Variants in CSMD3 observed in about 807,000 individuals in gnomAD.
CSMD3 encodes the protein CUB and sushi domain-containing protein 3.
CSMD3 carries 177 observed loss-of-function variants against 435.2 expected under a neutral mutation model. That is an observed-to-expected ratio of 0.41 (90% CI 0.36 to 0.46). The LOEUF is 0.46. Ranked by LOEUF, CSMD3 falls within the 20% of genes least tolerant of loss-of-function variation. The pLI, the probability that CSMD3 is intolerant of heterozygous loss-of-function variation, is 0.34. For missense variants in CSMD3, 4,265 were observed against 4,504.6 expected (o/e 0.95, Z 1.52); for synonymous variants, 1,656 against 1,520.5 (o/e 1.09, Z -2.07).
At chr8:112,549,690 T>C (rs761568183) in intron 27 of CSMD3, among the ~76,000 whole-genome samples, 9 of 152,074 alleles carry the variant, frequency 5.9e-5, no homozygotes, top group South Asian at 2.1e-4. Flanking sequence ...AGGTACCAGT[T>C]ATCTACTCAA....
At chr8:112,685,822 A>G (rs2075998357) in intron 14 of CSMD3, 90 bp from the exon 15 acceptor site, 1 of 824,938 alleles carries the variant, frequency 1.2e-6, no homozygotes, top group African/African-American at 1.7e-5. Context: ...ATGATAATCA[A>G]TTAGCAGTAT....
chr8:112,335,941 C>T (rs1305185515), intron 44 of CSMD3, among the ~76,000 whole-genome samples: 1 of 152,028 alleles, frequency 6.6e-6, no homozygotes, highest in African/African-American at 2.4e-5. Flanking sequence ...GAGCCAGGGC[C>T]TCACTCCGTT....
chr8:113,010,302 T>G (rs2086210059), intron 6 of CSMD3, among the ~76,000 whole-genome samples: 1 of 151,812 alleles, frequency 6.6e-6, no homozygotes, highest in African/African-American at 2.4e-5. Context: ...CTAGAAGCTT[T>G]CTTGAAAAGG....
chr8:113,131,025 A>G (rs1410642912), intron 4 of CSMD3, among the ~76,000 whole-genome samples: 1 of 152,198 alleles, frequency 6.6e-6, no homozygotes, highest in African/African-American at 2.4e-5. Flanking sequence ...AAAGTGTTCA[A>G]GAAGTAACAT....
intron 17 of CSMD3, among the ~76,000 whole-genome samples, chr8:112,657,061 CTTT>C (rs11387284): frequency 5.3e-5 from 7 of 131,628 alleles, no homozygotes; most frequent in Admixed American, 7.8e-5. Flanking sequence ...TTTCTTTTTA[CTTT>C]TTTTTTTTTT....
chr8:113,265,699 A>C (rs1366614311), intron 3 of CSMD3, among the ~76,000 whole-genome samples: 2 of 151,598 alleles, frequency 1.3e-5, no homozygotes, highest in Admixed American at 6.6e-5. Context: ...TTAAATAATA[A>C]ACTGATTTGT....
At chr8:112,572,635 A>T (rs1488329365) in intron 24 of CSMD3, among the ~76,000 whole-genome samples, 1 of 152,078 alleles carries the variant, frequency 6.6e-6, no homozygotes, top group African/African-American at 2.4e-5. Context: ...AGCAATAAAG[A>T]TTTCTGAGTA....
intron 4 of CSMD3, among the ~76,000 whole-genome samples, chr8:113,157,136 ATGGAAAATGG>A (rs2131817595): frequency 6.6e-6 from 1 of 152,252 alleles, no homozygotes; most frequent in South Asian, 2.1e-4. Flanking sequence ...TGCAGTCACT[ATGGAAAATGG>A]TGTGCTAGTT....
intron 2 of CSMD3, chr8:113,310,000 A>G (rs1232424432): frequency 6.6e-6 from 1 of 152,216 alleles, no homozygotes; most frequent in Non-Finnish European, 1.5e-5. Context: ...TAAGAAAAAT[A>G]AATTTTTTGT....
At chr8:112,998,565 A>G (rs894760516) in intron 6 of CSMD3, among the ~76,000 whole-genome samples, 1 of 151,772 alleles carries the variant, frequency 6.6e-6, no homozygotes, top group Non-Finnish European at 1.5e-5. Flanking sequence ...CTCTCCACAA[A>G]CCATTTTTAC....
chr8:113,153,101 A>AAAGAAAGAAAAGAAAG (rs35085690), intron 4 of CSMD3, among the ~76,000 whole-genome samples: 3 of 100,050 alleles, frequency 3.0e-5, no homozygotes, highest in Admixed American at 1.0e-4. Context: ...AGAAAGAAAG[A>AAAGAAAGAAAAGAAAG]AAAGAAAGAA....
intron 64 of CSMD3, among the ~76,000 whole-genome samples, chr8:112,245,625 C>T (rs949206912): frequency 9.9e-5 from 15 of 152,142 alleles, no homozygotes; most frequent in African/African-American, 3.6e-4. Context: ...GCAGCCTCCA[C>T]CTCCGGGGTT....
At chr8:112,645,943 A>C (rs1221769828) in intron 19 of CSMD3, among the ~76,000 whole-genome samples, 1 of 152,176 alleles carries the variant, frequency 6.6e-6, no homozygotes, top group East Asian at 1.9e-4. Context: ...TTTTTATTCT[A>C]GTGTGAGCAG....
At chr8:113,129,801 G>A (rs537022031) in intron 4 of CSMD3, among the ~76,000 whole-genome samples, 7 of 152,076 alleles carry the variant, frequency 4.6e-5, no homozygotes, top group African/African-American at 1.7e-4. Context: ...TGCTGAAGAG[G>A]TATCTCAGGT....
chr8:113,154,607 A>G (rs1588165275), intron 4 of CSMD3, among the ~76,000 whole-genome samples: 1 of 152,198 alleles, frequency 6.6e-6, no homozygotes, highest in African/African-American at 2.4e-5. Context: ...GGGCAGTAGA[A>G]GAATGAATAT....
chr8:112,610,084 A>G (rs544816792), intron 22 of CSMD3, among the ~76,000 whole-genome samples: 116 of 152,208 alleles, frequency 7.6e-4, no homozygotes, highest in Non-Finnish European at 1.3e-3. Context: ...TAATTTCTGG[A>G]GACCAGACAC....
chr8:113,389,992 T>G (rs1213112093), intron 1 of CSMD3, among the ~76,000 whole-genome samples: 3 of 151,802 alleles, frequency 2.0e-5, no homozygotes. Flanking sequence ...TTCATTTTCT[T>G]TATCCTAGAC....
At chr8:113,101,668 T>C (rs2090333826) in intron 4 of CSMD3, among the ~76,000 whole-genome samples, 1 of 152,048 alleles carries the variant, frequency 6.6e-6, no homozygotes, top group African/African-American at 2.4e-5. Flanking sequence ...TTCAAATGTA[T>C]GACTAATTTT....
At chr8:112,689,658 C>T (rs1236332826) in intron 14 of CSMD3, among the ~76,000 whole-genome samples, 2 of 151,920 alleles carry the variant, frequency 1.3e-5, no homozygotes, top group Non-Finnish European at 2.9e-5. Flanking sequence ...ATATATTTTG[C>T]CATTACCAAG....
Sources: gnomAD v4.1 joint callset for allele counts (sites outside exome capture counted in the v4.1 genomes callset) on GRCh38, gnomAD v4.1.1 for gene constraint, MANE v1.5 for transcripts, NCBI Gene and HGNC (gene_info 2026-07-23, HGNC 2026-07-21) for gene names.